Variants in KCNT2 observed in about 807,000 individuals in gnomAD.
KCNT2 encodes potassium sodium-activated channel subfamily T member 2.
A neutral mutation model predicts 153.8 loss-of-function variants in KCNT2; 67 were observed. The observed-to-expected ratio is 0.44, with a 90% CI of 0.36 to 0.53. The LOEUF (loss-of-function observed/expected upper bound fraction) is 0.53, where lower values mean the gene tolerates loss of function less well. Among genes scored for constraint, KCNT2 ranks in the 20% least tolerant of loss-of-function variants. KCNT2 has a pLI of 0.00. For missense variants in KCNT2, 975 were observed against 1,354.8 expected, an observed-to-expected ratio of 0.72 and a Z score of 4.40; for synonymous variants, 500 against 458.8, an observed-to-expected ratio of 1.09 and a Z score of -1.15.
At chr1:196,487,937 A>T (rs1189573024) in intron 3 of KCNT2, among the ~76,000 whole-genome samples, 1 of 152,012 alleles carries the variant, frequency 6.6e-6, no homozygotes, top group Non-Finnish European at 1.5e-5. Context: ...ATGAACTGTA[A>T]GCATCAGCAG....
At chr1:196,398,818 T>TTAC (rs1558242805) in intron 12 of KCNT2, 147 bp from the exon 13 acceptor site, 1 of 491,202 alleles carries the variant, frequency 2.0e-6, no homozygotes, top group East Asian at 3.2e-5. Context: ...AGGATACCTA[T>TTAC]TATTTCCATA....
At chr1:196,558,413 T>G (rs958054386) in intron 1 of KCNT2, among the ~76,000 whole-genome samples, 1 of 150,522 alleles carries the variant, frequency 6.6e-6, no homozygotes, top group African/African-American at 2.4e-5. Context: ...GGTTTTTTGT[T>G]TCTTTTGTTG....
rs185443642 is a variant in KCNT2, at chr1:196,544,497, T to C, written c.96-52156A>G. Among the ~76,000 whole-genome samples, 541 of 152,014 alleles carry C rather than the reference T, an allele frequency of 3.6e-3. 3 individuals carry two copies. The highest frequency in any genetic ancestry group is 0.012 in the African/African-American group (514 of 41,538). ...GTATTACCTATTCAAAAATAAATATTTTTAAAATAATAATATATACTTCAA... is the reference window on the plus strand; with the variant it reads ...GTATTACCTATTCAAAAATAAATATCTTTAAAATAATAATATATACTTCAA... On this transcript the variant is annotated intron_variant, in intron 1 of 27. Transcript: ENST00000294725.
intron 7 of KCNT2, among the ~76,000 whole-genome samples, chr1:196,467,362 C>G (rs1677711543): frequency 6.6e-6 from 1 of 152,016 alleles, no homozygotes; most frequent in Admixed American, 6.6e-5. Flanking sequence ...GAGTAAGATA[C>G]AGCAGACTGG....
In KCNT2 at chr1:196,247,494, T is replaced by C. The variant is rs1262959152; in HGVS notation, c.3211+10700A>G. Among the ~76,000 whole-genome samples, 4 of 152,292 alleles carry C rather than the reference T, an allele frequency of 2.6e-5. No individual in the cohort carries two copies. The East Asian group carries it at 5.8e-4, about 22-fold the overall frequency. ...TCTCACACTGCTATGAAGAACCGCC[T>C]GAGACTGGGTAATGTATAAAGAGAA... On this transcript the variant is annotated intron_variant, in intron 26 of 27. Coordinates refer to ENST00000294725, the MANE Select transcript of KCNT2 (RefSeq NM_198503.5).
At chr1:196,562,207 T>C (rs1405849037) in intron 1 of KCNT2, among the ~76,000 whole-genome samples, 1 of 152,008 alleles carries the variant, frequency 6.6e-6, no homozygotes, top group Non-Finnish European at 1.5e-5. Flanking sequence ...AAGAAATATA[T>C]ATTTTGGAAT....
chr1:196,595,779 C>T (rs1348588356), intron 1 of KCNT2, among the ~76,000 whole-genome samples: 3 of 151,844 alleles, frequency 2.0e-5, no homozygotes, highest in African/African-American at 2.4e-5. Flanking sequence ...GACTTTAGTA[C>T]ACCCATCACC....
intron 21 of KCNT2, among the ~76,000 whole-genome samples, chr1:196,306,140 T>C (rs538062852): frequency 6.6e-6 from 1 of 152,236 alleles, no homozygotes; most frequent in East Asian, 1.9e-4. Context: ...GTAGCTTTCC[T>C]TGTTAAATAT....
At chr1:196,283,431 T>C (rs1014462855) in intron 23 of KCNT2, among the ~76,000 whole-genome samples, 4 of 151,848 alleles carry the variant, frequency 2.6e-5, no homozygotes, top group Admixed American at 6.6e-5. Context: ...CAAGACTCCA[T>C]CTCAAAACAA....
At chr1:196,565,852 G>A (rs533552173) in intron 1 of KCNT2, among the ~76,000 whole-genome samples, 152 of 151,624 alleles carry the variant, frequency 1.0e-3, no homozygotes, top group African/African-American at 3.4e-3. Flanking sequence ...TTGGTTAAAT[G>A]ATACAAAATT....
At chr1:196,409,045 T>C (rs1363068838) in intron 12 of KCNT2, among the ~76,000 whole-genome samples, 1 of 151,146 alleles carries the variant, frequency 6.6e-6, no homozygotes. Context: ...GGTTTTTTTT[T>C]ATATGAAGCA....
intron 14 of KCNT2, among the ~76,000 whole-genome samples, chr1:196,350,468 C>T (rs1572132882): frequency 6.6e-6 from 1 of 152,110 alleles, no homozygotes; most frequent in African/African-American, 2.4e-5. Context: ...TGATGATGAG[C>T]ATTTTTTCAT....
chr1:196,606,020 C>A (rs1352323558), intron 1 of KCNT2, among the ~76,000 whole-genome samples: 1 of 152,142 alleles, frequency 6.6e-6, no homozygotes, highest in Non-Finnish European at 1.5e-5. Context: ...ACCAAAATTT[C>A]AGTTTCCTTG....
At chr1:196,499,924 A>C (rs1425727120) in intron 1 of KCNT2, among the ~76,000 whole-genome samples, 1 of 152,038 alleles carries the variant, frequency 6.6e-6, no homozygotes, top group Non-Finnish European at 1.5e-5. Context: ...CAGGTGGATC[A>C]CCTGAGGTCA....
At chr1:196,407,135 G>A (rs553639394) in intron 12 of KCNT2, among the ~76,000 whole-genome samples, 1 of 151,416 alleles carries the variant, frequency 6.6e-6, no homozygotes, top group East Asian at 2.0e-4. Context: ...AGGTTTTGAA[G>A]GAAACTTCCC....
chr1:196,340,702 A>C (rs969629283), intron 15 of KCNT2, 132 bp from the exon 16 acceptor site: 1 of 611,658 alleles, frequency 1.6e-6, no homozygotes, highest in African/African-American at 1.9e-5. Context: ...TCATTTTTAC[A>C]GGAAAATAAA....
At chr1:196,327,668 C>CTTTTTTTTTTTTTTTTT (rs773639795) in intron 18 of KCNT2, among the ~76,000 whole-genome samples, 8 of 127,896 alleles carry the variant, frequency 6.3e-5, no homozygotes, top group African/African-American at 1.3e-4. Flanking sequence ...ATATTCTGAT[C>CTTTTTTTTTTTTTTTTT]TTTTTTTTTT....
chr1:196,330,591 G>T (rs79863350), intron 18 of KCNT2, among the ~76,000 whole-genome samples: 3,457 of 151,920 alleles, frequency 0.023, 121 homozygotes, highest in African/African-American at 0.079. Flanking sequence ...AAGCCCAATG[G>T]TTATATTGTG....
chr1:196,524,123 T>A (rs139144853), intron 1 of KCNT2, among the ~76,000 whole-genome samples: 108 of 152,220 alleles, frequency 7.1e-4, no homozygotes, highest in African/African-American at 2.5e-3. Context: ...AATGTTGTAA[T>A]CCTACTAAAT....
Sources: gnomAD v4.1 joint callset for allele counts (sites outside exome capture counted in the v4.1 genomes callset) on GRCh38, gnomAD v4.1.1 for gene constraint, MANE v1.5 for transcripts, NCBI Gene and HGNC (gene_info 2026-07-23, HGNC 2026-07-21) for gene names.